Variants in LRRC9 observed in about 807,000 individuals in gnomAD.
The protein encoded by LRRC9 is leucine-rich repeat-containing protein 9.
A neutral mutation model predicts 63.2 loss-of-function variants in LRRC9; 122 were observed. The ratio of observed to expected loss-of-function variants is 1.93; its 90% CI spans 1.67 to 2.24. The LOEUF (loss-of-function observed/expected upper bound fraction) is 2.24. Ranked by LOEUF, LRRC9 falls within the 30% of genes most tolerant of loss-of-function variation. The pLI, the probability that LRRC9 is intolerant of heterozygous loss-of-function variation, is 0.00. For missense variants in LRRC9, 1,071 were observed against 627.7 expected (o/e 1.71, Z -7.55); for synonymous variants, 366 against 213.1 (o/e 1.72, Z -6.25).
intron 8 of LRRC9, among the ~76,000 whole-genome samples, chr14:59,946,256 A>G (rs1429864951): frequency 6.6e-6 from 1 of 151,058 alleles, no homozygotes; most frequent in Non-Finnish European, 1.5e-5. Flanking sequence ...AGTTCTTATT[A>G]TAATTAGAAA....
rs1279549364 is a variant in LRRC9 at position 60,000,787 on chromosome 14, C to T, written c.2530-1179C>T. 7.2e-5 allele frequency among the ~76,000 whole-genome samples: 11 copies of T among 151,842 alleles called. 1 individual carries two copies. Among genetic ancestry groups the T allele is most frequent in the Admixed American group, 3.9e-4 (6 of 15,240 alleles). ...CATGTCTACATTAAAATTAATATAT[C>T]TTTTTTCAAAGAAAGTGAAAAGACA... On this transcript the variant is annotated intron_variant, in intron 19 of 31. Transcript: ENST00000445360.
At chr14:60,005,754 A>T (rs1341238106) in intron 21 of LRRC9, among the ~76,000 whole-genome samples, 3 of 152,120 alleles carry the variant, frequency 2.0e-5, no homozygotes, top group Non-Finnish European at 4.4e-5. Flanking sequence ...GAGGTTACAC[A>T]ATTTATGTAT....
chr14:60,035,804 G>A (rs185082999), intron 29 of LRRC9, among the ~76,000 whole-genome samples: 1 of 152,116 alleles, frequency 6.6e-6, no homozygotes, highest in East Asian at 1.9e-4. Flanking sequence ...TTTTTGCTCA[G>A]GATTGCTTTG....
chr14:59,925,022 C>T (rs903033233), intron 1 of LRRC9, among the ~76,000 whole-genome samples: 2 of 151,806 alleles, frequency 1.3e-5, no homozygotes, highest in African/African-American at 4.8e-5. Flanking sequence ...ACCTTATCAT[C>T]TGATAAGGTC....
In LRRC9 at chr14:60,058,066, T is replaced by C. The variant is rs371349368; in HGVS notation, c.4276+44T>C. 9.2e-5 allele frequency: 47 copies of C among 513,292 alleles called. No individual in the cohort carries two copies. In the South Asian group the frequency reaches 1.3e-3, roughly 14 times the overall value. 31.8% of individuals were successfully genotyped at this position (513,292 alleles called of 1,614,324 possible). ...ATAGAATGTAAAAGAATCACTTAATTTGAAATAAAAATATCACTTTAATTT... is the reference window on the plus strand; with the variant it reads ...ATAGAATGTAAAAGAATCACTTAATCTGAAATAAAAATATCACTTTAATTT... On this transcript the variant is annotated intron_variant, in intron 31 of 31. Transcript: ENST00000445360. The surrounding 1 kb of genome is among the most constrained non-coding windows in gnomAD (Gnocchi z 4.4).
chr14:60,054,159 C>T (rs968893300), intron 30 of LRRC9: 18 of 228,130 alleles, frequency 7.9e-5, no homozygotes, highest in South Asian at 2.8e-4. Context: ...AGATTAATTC[C>T]GGTGACACTC....
chr14:59,947,609 T>C (rs1425054364), intron 8 of LRRC9, among the ~76,000 whole-genome samples: 2 of 136,602 alleles, frequency 1.5e-5, no homozygotes, highest in African/African-American at 2.9e-5. Flanking sequence ...TGGTAATGCC[T>C]AGGTTTTCTT....
At chr14:60,000,566 G>A (rs778880573) in intron 19 of LRRC9, among the ~76,000 whole-genome samples, 4 of 152,036 alleles carry the variant, frequency 2.6e-5, no homozygotes, top group African/African-American at 7.2e-5. Flanking sequence ...TAATATAGAC[G>A]GTGGAAACTT....
intron 17 of LRRC9, among the ~76,000 whole-genome samples, chr14:59,985,754 T>G (rs952791452): frequency 6.6e-6 from 1 of 152,210 alleles, no homozygotes; most frequent in Non-Finnish European, 1.5e-5. Flanking sequence ...TTATACAGCC[T>G]AAATCAGCCT....
chr14:59,938,362 C>A lies in LRRC9; in HGVS notation c.544-28C>A. ...CTTTAGAAATGACAGTCACAATTAA[C>A]TGAACATTATCTTTGCTGGCATTTT... On this transcript the variant is annotated intron_variant, in intron 6 of 31. Transcript: ENST00000445360. This position sits in a 1 kb window ranked among gnomAD's most constrained non-coding sequence, Gnocchi z 4.2. 1 of 658,156 alleles carries A rather than the reference C, an allele frequency of 1.5e-6. No homozygotes were observed. The allele number at this position is 658,156 out of a possible 1,614,324, so 40.8% of individuals were successfully genotyped here. A position where few individuals can be genotyped will look rare whatever the true frequency, so the allele number is the denominator to read the frequency against.
exon 16 of LRRC9, chr14:59,981,967 G>A (rs1199683183): frequency 1.0e-5 from 7 of 702,602 alleles, no homozygotes; most frequent in Non-Finnish European, 1.6e-5. Flanking sequence ...TTATAAAAAT[G>A]GAGCCCAGAA....
chr14:60,003,393 G>C lies in LRRC9; in HGVS notation c.2665-228G>C, dbSNP rs528145120. ...AGTCCATTACTGTAATGGGACTCTAGCACATCGCAGTGTCCTTAATACCAT... is the reference window on the plus strand; with the variant it reads ...AGTCCATTACTGTAATGGGACTCTACCACATCGCAGTGTCCTTAATACCAT... On this transcript the variant is annotated intron_variant, in intron 20 of 31. Coordinates refer to ENST00000445360, the Ensembl canonical transcript of LRRC9. The surrounding 1 kb of genome is among the most constrained non-coding windows in gnomAD (Gnocchi z 4.2). 6.6e-6 allele frequency among the ~76,000 whole-genome samples: 1 copy of C among 152,310 alleles called. No individual in the cohort carries two copies. The highest frequency in any genetic ancestry group is 1.9e-4 in the East Asian group (1 of 5,180).
At chr14:59,953,284 A>T (rs894806325) in intron 8 of LRRC9, among the ~76,000 whole-genome samples, 2 of 152,176 alleles carry the variant, frequency 1.3e-5, no homozygotes, top group Non-Finnish European at 2.9e-5. Context: ...AACAGTGTAA[A>T]ACTGTTCTTA....
chr14:59,979,375 T>C (rs1324843803), intron 15 of LRRC9, among the ~76,000 whole-genome samples: 1 of 152,154 alleles, frequency 6.6e-6, no homozygotes, highest in Non-Finnish European at 1.5e-5. Context: ...TCCCAGCACT[T>C]TGGGAGGCCA....
chr14:59,939,024 TAC>T (rs1184438058), intron 7 of LRRC9, among the ~76,000 whole-genome samples: 1 of 138,472 alleles, frequency 7.2e-6, no homozygotes, highest in African/African-American at 2.7e-5. Context: ...CATATATATA[TAC>T]ATATATACAC....
chr14:59,960,530 T>C (rs2139968578), intron 9 of LRRC9, among the ~76,000 whole-genome samples: 1 of 152,358 alleles, frequency 6.6e-6, no homozygotes, highest in Non-Finnish European at 1.5e-5. Flanking sequence ...TGTGCCAGAC[T>C]CTGTGCTAAG....
intron 29 of LRRC9, among the ~76,000 whole-genome samples, chr14:60,040,210 G>A (rs219416): frequency 0.75 from 114,358 of 151,762 alleles, 45,196 homozygotes; most frequent in Non-Finnish European, 0.87. Flanking sequence ...TAAATGCGGT[G>A]TGGTGCTGAG....
chr14:59,981,767 A>G (rs1415593782), intron 15 of LRRC9, 81 bp from the exon 16 acceptor site: 1 of 625,130 alleles, frequency 1.6e-6, no homozygotes, highest in African/African-American at 1.8e-5. Flanking sequence ...ATGTCAACTC[A>G]TCTTTTCTAC....
intron 29 of LRRC9, among the ~76,000 whole-genome samples, chr14:60,047,644 T>C (rs160246): frequency 0.75 from 113,526 of 152,116 alleles, 44,488 homozygotes; most frequent in Non-Finnish European, 0.87. Context: ...CCCAGATTCA[T>C]AGCAGTTCTT....
Sources: allele counts gnomAD v4.1 joint callset (sites outside exome capture counted in the v4.1 genomes callset), GRCh38; gene constraint gnomAD v4.1.1; non-coding constraint Gnocchi (gnomAD v3.1); transcripts MANE v1.5; gene names NCBI Gene and HGNC (gene_info 2026-07-23, HGNC 2026-07-21).